DNAJC1: variants seen among roughly 807,000 people sequenced by gnomAD.
DNAJC1 encodes dnaJ homolog subfamily C member 1.
In DNAJC1, 58 loss-of-function variants were observed where a neutral mutation model predicts 76.6. That is an observed-to-expected ratio of 0.76 (90% CI 0.61 to 0.94). DNAJC1 has a LOEUF of 0.94. DNAJC1 is among the 40% of genes least tolerant of loss of function. The pLI is 0.00. For synonymous variants in DNAJC1, 258 were observed against 267.9 expected, an observed-to-expected ratio of 0.96 and a Z score of 0.36; for missense variants, 689 against 677.3, an observed-to-expected ratio of 1.02 and a Z score of -0.19.
At chr10:21,922,416 G>A (rs1004540467) in intron 3 of DNAJC1, among the ~76,000 whole-genome samples, 5 of 151,950 alleles carry the variant, frequency 3.3e-5, no homozygotes, top group Non-Finnish European at 5.9e-5. Context: ...AATAACCAAT[G>A]TTGAAAGCAA....
chr10:21,999,933 C>A (rs935075357), intron 1 of DNAJC1, among the ~76,000 whole-genome samples: 8 of 152,138 alleles, frequency 5.3e-5, no homozygotes, highest in Non-Finnish European at 8.8e-5. Context: ...AACTCTACAC[C>A]TGAATAACCA....
intron 7 of DNAJC1, among the ~76,000 whole-genome samples, chr10:21,884,761 A>G (rs1353191946): frequency 3.9e-5 from 6 of 152,336 alleles, no homozygotes; most frequent in African/African-American, 1.4e-4. Flanking sequence ...TGGGCTACAT[A>G]TAGAGAATCA....
intron 6 of DNAJC1, 137 bp from the exon 7 acceptor site, chr10:21,904,749 C>T (rs2131745258): frequency 4.1e-6 from 2 of 490,714 alleles, no homozygotes; most frequent in Non-Finnish European, 7.0e-6. Context: ...TTATGATGAG[C>T]AGAAATTAAA....
chr10:21,904,404 T>TG (rs1360604802), intron 7 of DNAJC1, 118 bp downstream of exon 7: 4 of 584,348 alleles, frequency 6.8e-6, no homozygotes, highest in African/African-American at 2.0e-5. Context: ...CACTAGGGAG[T>TG]GGGAAAAAAA....
At chr10:21,770,396 T>C (rs1481380599) in intron 9 of DNAJC1, among the ~76,000 whole-genome samples, 3 of 55,804 alleles carry the variant, frequency 5.4e-5, no homozygotes, top group African/African-American at 3.4e-4. Context: ...TTTTTTCTTC[T>C]TTTTTTTTTT....
chr10:21,902,704 C>A (rs1036992214), intron 7 of DNAJC1, among the ~76,000 whole-genome samples: 42 of 152,166 alleles, frequency 2.8e-4, no homozygotes, highest in African/African-American at 7.7e-4. Flanking sequence ...CCGAAAGGAG[C>A]TTTTGTATAG....
intron 9 of DNAJC1, among the ~76,000 whole-genome samples, chr10:21,768,457 C>G (rs1182435860): frequency 2.0e-5 from 3 of 152,132 alleles, no homozygotes; most frequent in Non-Finnish European, 4.4e-5. Context: ...TCATATATTA[C>G]CCTCTGTAAT....
intron 1 of DNAJC1, among the ~76,000 whole-genome samples, chr10:21,981,395 G>C (rs1264231597): frequency 1.3e-5 from 2 of 152,174 alleles, no homozygotes; most frequent in East Asian, 1.9e-4. Flanking sequence ...CCATGGAATT[G>C]AGAGCAGTCA....
intron 1 of DNAJC1, among the ~76,000 whole-genome samples, chr10:21,941,095 C>CAAA (rs1208799870): frequency 3.1e-4 from 12 of 39,156 alleles, no homozygotes; most frequent in East Asian, 1.2e-3. Flanking sequence ...ACTAAAAATA[C>CAAA]AAAAAAAAAA....
At position 21,928,718 on chromosome 10, in the gene DNAJC1, A is replaced by G. The variant is rs1837169324; in HGVS notation, c.325-166T>C. On this transcript the variant is annotated intron_variant, in intron 2 of 11. Transcript: ENST00000376980. ...TAACACTATGTTTTGGTAGTACCTT[A>G]AGAGATTAAAAATGCTTGATATCAA... Among the ~76,000 whole-genome samples, 3 of 152,202 alleles carry G rather than the reference A, an allele frequency of 2.0e-5. No individual in the cohort carries two copies. The South Asian group carries it at 6.2e-4, about 32-fold the overall frequency.
intron 8 of DNAJC1, among the ~76,000 whole-genome samples, chr10:21,814,970 A>G (rs1318305883): frequency 6.6e-6 from 1 of 152,190 alleles, no homozygotes; most frequent in East Asian, 1.9e-4. Flanking sequence ...GATGCTCTGG[A>G]TTAAGGTAGA....
intron 8 of DNAJC1, among the ~76,000 whole-genome samples, chr10:21,809,362 T>C (rs1051657082): frequency 1.2e-4 from 18 of 151,866 alleles, no homozygotes; most frequent in African/African-American, 1.7e-4. Flanking sequence ...AATACTTCTA[T>C]TGAAATGACC....
At chr10:21,894,465 G>A (rs1262806120) in intron 7 of DNAJC1, among the ~76,000 whole-genome samples, 1 of 152,116 alleles carries the variant, frequency 6.6e-6, no homozygotes, top group African/African-American at 2.4e-5. Context: ...CACCTACTTG[G>A]GAGGCTAAGG....
At chr10:21,932,493 A>G (rs2131784661) in intron 1 of DNAJC1, among the ~76,000 whole-genome samples, 1 of 152,366 alleles carries the variant, frequency 6.6e-6, no homozygotes, top group Non-Finnish European at 1.5e-5. Context: ...AAATGTCAGA[A>G]TCAACTTTAT....
chr10:21,918,698 G>A (rs1836992158), intron 6 of DNAJC1, 81 bp downstream of exon 6: 1 of 1,045,606 alleles, frequency 9.6e-7, no homozygotes, highest in South Asian at 1.4e-5. Flanking sequence ...TCAGCATTCA[G>A]AGAGCCGACA....
intron 8 of DNAJC1, among the ~76,000 whole-genome samples, chr10:21,869,510 C>T (rs1478510341): frequency 6.6e-6 from 1 of 152,068 alleles, no homozygotes; most frequent in Non-Finnish European, 1.5e-5. Context: ...ACTATTGTCT[C>T]CCTAAAATGT....
rs145341187 is a variant in DNAJC1, at chr10:21,956,721, C to T, written c.223-27580G>A. Among the ~76,000 whole-genome samples the T allele has an allele frequency of 3.8e-3, 573 of 151,654 alleles. 2 individuals are homozygous for T. Among genetic ancestry groups the T allele is most frequent in the African/African-American group, 0.013 (551 of 41,328 alleles). On this transcript the variant is annotated intron_variant, in intron 1 of 11. Transcript: ENST00000376980. The stretch of plus-strand genomic sequence containing the variant: ...ATCTAACATATCTCCCAGCTTCAGA[C>T]CCTACCTGGCACCTTGCCTCAACAG...
chr10:21,766,446 C>T, intron 9 of DNAJC1, 137 bp from the exon 10 acceptor site: 8 of 670,014 alleles, frequency 1.2e-5, no homozygotes, highest in South Asian at 7.1e-5. Flanking sequence ...AGTCGTCTGT[C>T]GCATCCATTA....
chr10:21,868,655 T>C (rs1183731033), intron 8 of DNAJC1, among the ~76,000 whole-genome samples: 1 of 151,924 alleles, frequency 6.6e-6, no homozygotes, highest in Non-Finnish European at 1.5e-5. Context: ...ATGACAAAAC[T>C]GTAGAGAATT....
Sources: allele counts gnomAD v4.1 joint callset (sites outside exome capture counted in the v4.1 genomes callset), GRCh38; gene constraint gnomAD v4.1.1; transcripts MANE v1.5; gene names NCBI Gene and HGNC (gene_info 2026-07-23, HGNC 2026-07-21).